Variants in RASGRF2 observed in about 807,000 individuals in gnomAD.
The protein encoded by RASGRF2 is ras-specific guanine nucleotide-releasing factor 2.
RASGRF2 carries 76 observed loss-of-function variants against 151.0 expected under a neutral mutation model. The ratio of observed to expected loss-of-function variants is 0.50; its 90% confidence interval spans 0.42 to 0.61. The LOEUF is 0.61. Among genes scored for constraint, RASGRF2 ranks in the 20% least tolerant of loss-of-function variants. RASGRF2 has a pLI of 0.00. For synonymous variants in RASGRF2, 504 were observed against 566.5 expected (o/e 0.89, Z 1.57); for missense variants, 1,148 against 1,564.6 (o/e 0.73, Z 4.49).
At position 81,073,192 on chromosome 5, in the gene RASGRF2, T is replaced by C; in HGVS notation, c.634-7T>C. The C allele has an allele frequency of 6.2e-7, 1 of 1,607,958 alleles. No individual in the cohort carries two copies. Among genetic ancestry groups the C allele is most frequent in the Middle Eastern group, 1.7e-4 (1 of 6,038 alleles). ...GTCAGATTCCTTTCTGATTTTTTGT[T>C]CTGTAGGTTCAGAGCTTCATGCGAG... On this transcript the variant is annotated splice_polypyrimidine_tract_variant and splice_region_variant and intron_variant, in intron 4 of 26. Coordinates refer to ENST00000265080, the MANE Select transcript of RASGRF2 (RefSeq NM_006909.3).
chr5:81,004,443 G>A (rs563190138), intron 1 of RASGRF2, among the ~76,000 whole-genome samples: 3 of 152,292 alleles, frequency 2.0e-5, no homozygotes, highest in South Asian at 4.1e-4. Flanking sequence ...CACGGACTTC[G>A]TGGGAGAGAA....
chr5:81,210,668 G>A (rs1755610558), intron 22 of RASGRF2, among the ~76,000 whole-genome samples: 1 of 152,100 alleles, frequency 6.6e-6, no homozygotes, highest in Non-Finnish European at 1.5e-5. Context: ...ACCTCCCTTT[G>A]ACAAAAATCT....
At chr5:81,064,349 AG>A (rs1751532591) in intron 2 of RASGRF2, among the ~76,000 whole-genome samples, 1 of 152,220 alleles carries the variant, frequency 6.6e-6, no homozygotes, top group Non-Finnish European at 1.5e-5. Context: ...CAGCAAGAGA[AG>A]GCAAGTGAGA....
At position 81,021,251 on chromosome 5, in the gene RASGRF2, C is replaced by A. The variant is rs145290878; in HGVS notation, c.289-21626C>A. 1.3e-3 allele frequency among the ~76,000 whole-genome samples: 195 copies of A among 152,250 alleles called. 1 individual carries two copies. Among genetic ancestry groups the A allele is most frequent in the African/African-American group, 4.5e-3 (188 of 41,540 alleles). On this transcript the variant is annotated intron_variant, in intron 1 of 26. Coordinates refer to ENST00000265080, the MANE Select transcript of RASGRF2 (RefSeq NM_006909.3). ...TCAGATTTATCTTTTAGAAAGAAAA[C>A]CCTGGCTGCCTTGTTTGGGATGGAA...
intron 25 of RASGRF2, 101 bp from the exon 26 acceptor site, chr5:81,219,609 G>A (rs1420559919): frequency 1.1e-6 from 1 of 927,484 alleles, no homozygotes; most frequent in Non-Finnish European, 1.7e-6. Context: ...GGAAGGGACT[G>A]ACCCTTCTGG....
At chr5:80,970,994 G>C (rs1056297696) in intron 1 of RASGRF2, among the ~76,000 whole-genome samples, 3 of 152,096 alleles carry the variant, frequency 2.0e-5, no homozygotes, top group African/African-American at 7.2e-5. Context: ...ACCGCCCAGA[G>C]TCCATGTTCA....
rs575647502 is a variant in RASGRF2 at position 81,116,066 on chromosome 5, C to CTTTTTTTTT, written c.2470+2172_2470+2180dup. Among the ~76,000 whole-genome samples the CTTTTTTTTT allele has an allele frequency of 3.1e-3, 152 of 49,062 alleles. 37 individuals are homozygous for CTTTTTTTTT. Among genetic ancestry groups the CTTTTTTTTT allele is most frequent in the Non-Finnish European group, 4.7e-3 (121 of 25,910 alleles). 32.2% of individuals were successfully genotyped at this position (49,062 alleles called of 152,430 possible). A position where few individuals can be genotyped will look rare whatever the true frequency, so the allele number is the denominator to read the frequency against. ...TAATCACTAGTGGTGAATGCCATTT[C>CTTTTTTTTT]TTTTTTTTTTTTTTTTTTTTTTTTT... is the stretch of plus-strand genomic sequence containing the variant. On this transcript the variant is annotated intron_variant, in intron 15 of 26. Coordinates refer to ENST00000265080, the MANE Select transcript of RASGRF2 (RefSeq NM_006909.3).
chr5:81,059,125 T>C (rs1408391471), intron 2 of RASGRF2, among the ~76,000 whole-genome samples: 2 of 152,308 alleles, frequency 1.3e-5, no homozygotes, highest in African/African-American at 2.4e-5. Flanking sequence ...GGCTCACGCC[T>C]GTAATCCCAG....
At chr5:81,045,786 A>G (rs532266654) in intron 2 of RASGRF2, among the ~76,000 whole-genome samples, 77 of 152,136 alleles carry the variant, frequency 5.1e-4, no homozygotes, top group African/African-American at 1.8e-3. Flanking sequence ...AGGGAAGAAA[A>G]CTTTTTTATC....
intron 1 of RASGRF2, among the ~76,000 whole-genome samples, chr5:80,977,952 GA>G (rs1320131431): frequency 2.0e-5 from 3 of 152,158 alleles, no homozygotes; most frequent in Admixed American, 6.5e-5. Context: ...GCTCTTCAGA[GA>G]ATGTTTAGTG....
chr5:81,086,759 T>C, intron 8 of RASGRF2, 76 bp from the exon 9 acceptor site: 1 of 1,198,082 alleles, frequency 8.3e-7, no homozygotes, highest in Non-Finnish European at 1.2e-6. Context: ...GCTTCTCAGA[T>C]GGAGCTCTTC....
chr5:81,120,342 C>T (rs372919549), intron 15 of RASGRF2, among the ~76,000 whole-genome samples: 4 of 152,028 alleles, frequency 2.6e-5, no homozygotes, highest in Admixed American at 6.5e-5. Context: ...TTTGGGAGGC[C>T]GAGGTGGAAG....
intron 17 of RASGRF2, among the ~76,000 whole-genome samples, chr5:81,151,796 T>A (rs1472210707): frequency 1.3e-5 from 2 of 152,202 alleles, no homozygotes; most frequent in Non-Finnish European, 2.9e-5. Flanking sequence ...TATCCAGGAC[T>A]ACACTCAGCT....
At chr5:81,114,128 A>G (rs767550677) in intron 15 of RASGRF2, among the ~76,000 whole-genome samples, 5 of 152,194 alleles carry the variant, frequency 3.3e-5, no homozygotes, top group Non-Finnish European at 7.4e-5. Context: ...AGTTGTCCTT[A>G]TGCCCCTGTA....
intron 1 of RASGRF2, among the ~76,000 whole-genome samples, chr5:81,027,277 T>C (rs1285218174): frequency 1.3e-5 from 2 of 152,190 alleles, no homozygotes; most frequent in East Asian, 3.9e-4. Context: ...TCATCAACTG[T>C]AACAAACATG....
chr5:81,117,871 T>A (rs61286677), intron 15 of RASGRF2, among the ~76,000 whole-genome samples: 4,614 of 152,208 alleles, frequency 0.03, 244 homozygotes, highest in African/African-American at 0.1. Context: ...AAAAGAAAGG[T>A]ATAACATGCC....
intron 9 of RASGRF2, among the ~76,000 whole-genome samples, chr5:81,090,440 G>A (rs1752357446): frequency 6.6e-6 from 1 of 152,192 alleles, no homozygotes; most frequent in Non-Finnish European, 1.5e-5. Context: ...GTATTAGCTA[G>A]CGAGGAATCC....
intron 9 of RASGRF2, chr5:81,087,581 C>T (rs962778269): frequency 5.4e-6 from 3 of 558,086 alleles, no homozygotes; most frequent in African/African-American, 1.9e-5. Flanking sequence ...ATATTTGTGC[C>T]GGAAACTGTG....
chr5:81,110,441 A>C (rs1406667889), intron 13 of RASGRF2, among the ~76,000 whole-genome samples: 1 of 152,228 alleles, frequency 6.6e-6, no homozygotes, highest in Non-Finnish European at 1.5e-5. Context: ...TTAAAATGAA[A>C]ATGTAATCAC....
Sources: allele counts gnomAD v4.1 joint callset (sites outside exome capture counted in the v4.1 genomes callset), GRCh38; gene constraint gnomAD v4.1.1; transcripts MANE v1.5; gene names NCBI Gene and HGNC (gene_info 2026-07-23, HGNC 2026-07-21).